RAB38: variants seen among roughly 807,000 people sequenced by gnomAD.
RAB38 encodes the protein RAB38, member RAS oncogene family.
RAB38 carries 15 observed loss-of-function variants against 18.4 expected under a neutral mutation model. The ratio of observed to expected loss-of-function variants is 0.82; its 90% confidence interval spans 0.55 to 1.26. The LOEUF (loss-of-function observed/expected upper bound fraction) is 1.26, where lower values mean the gene tolerates loss of function less well. Ranked by LOEUF, RAB38 falls within the 50% of genes most tolerant of loss-of-function variation. The probability of loss-of-function intolerance (pLI) is 0.00; values close to 1 mark genes in which losing one functional copy is unlikely to be tolerated. For synonymous variants in RAB38, 101 were observed against 104.4 expected, an observed-to-expected ratio of 0.97 and a Z score of 0.20; for missense variants, 294 against 267.4, an observed-to-expected ratio of 1.10 and a Z score of -0.69.
chr11:87,939,880 G>C, the RAB38 span, among the ~76,000 whole-genome samples: 3 of 151,970 alleles, frequency 2.0e-5, no homozygotes, highest in Admixed American at 2.0e-4. Flanking sequence ...CTCAGCCTGA[G>C]TGACATAGCC....
the RAB38 span, among the ~76,000 whole-genome samples, chr11:87,846,833 G>A: frequency 6.6e-6 from 1 of 152,122 alleles, no homozygotes; most frequent in South Asian, 2.1e-4. Context: ...GTAAGACAAA[G>A]TGCATTCTCT....
chr11:88,143,415 T>A (rs1171182818), intron 2 of RAB38, among the ~76,000 whole-genome samples: 1 of 152,196 alleles, frequency 6.6e-6, no homozygotes, highest in Non-Finnish European at 1.5e-5. Context: ...TTTGTAGTTG[T>A]AACATAAAAA....
At chr11:87,841,012 T>G in the RAB38 span, among the ~76,000 whole-genome samples, 1 of 152,208 alleles carries the variant, frequency 6.6e-6, no homozygotes, top group Non-Finnish European at 1.5e-5. Context: ...TCCTGGCCCC[T>G]TAGTCACTCT....
chr11:87,829,576 C>A, the RAB38 span, among the ~76,000 whole-genome samples: 1 of 152,132 alleles, frequency 6.6e-6, no homozygotes, highest in East Asian at 1.9e-4. Context: ...CTCACTATCA[C>A]GAGAACAGCA....
chr11:87,890,505 T>C, the RAB38 span, among the ~76,000 whole-genome samples: 1 of 151,916 alleles, frequency 6.6e-6, no homozygotes, highest in South Asian at 2.1e-4. Flanking sequence ...CTTTCATGTT[T>C]CATGGACTTC....
the RAB38 span, among the ~76,000 whole-genome samples, chr11:87,940,856 T>G: frequency 2.6e-5 from 4 of 151,924 alleles, no homozygotes; most frequent in Non-Finnish European, 5.9e-5. Context: ...TGTCTCAAAC[T>G]CCTGACCTCA....
chr11:87,939,655 C>T, the RAB38 span, among the ~76,000 whole-genome samples: 5 of 151,534 alleles, frequency 3.3e-5, no homozygotes, highest in Non-Finnish European at 4.4e-5. Flanking sequence ...CCCAGGAGTG[C>T]GAGAGCAGCC....
chr11:88,056,821 A>T, the RAB38 span, among the ~76,000 whole-genome samples: 1 of 107,052 alleles, frequency 9.3e-6, no homozygotes, highest in African/African-American at 2.8e-5. Context: ...AAATAAATAA[A>T]TAAATAAATA....
Position 88,155,497 on chromosome 11 carries a change from A to C in RAB38, c.203-5542T>G, listed in dbSNP as rs1179569971. Among the ~76,000 whole-genome samples, 4 of 152,232 alleles carry C rather than the reference A, an allele frequency of 2.6e-5. No homozygotes were observed. The East Asian group carries it at 7.7e-4, about 29-fold the overall frequency. On this transcript the variant is annotated intron_variant, in intron 1 of 2. Transcript: ENST00000243662. ...AGGAAAAGGAAAAAGGAAAGAAAAA[A>C]ATAGCAATAGTATGATAGAGAAATA...
chr11:88,152,091 C>T (rs535908678), intron 1 of RAB38, among the ~76,000 whole-genome samples: 2 of 152,220 alleles, frequency 1.3e-5, no homozygotes, highest in South Asian at 4.2e-4. Context: ...ATACCTGGTG[C>T]AAACAGTGAT....
At chr11:88,063,984 C>T in the RAB38 span, among the ~76,000 whole-genome samples, 621 of 152,270 alleles carry the variant, frequency 4.1e-3, 1 homozygote, top group Admixed American at 6.4e-3. Context: ...AACAGTGTCC[C>T]GTTTGAAATG....
the RAB38 span, among the ~76,000 whole-genome samples, chr11:87,965,114 C>T: frequency 2.0e-5 from 3 of 152,038 alleles, no homozygotes; most frequent in East Asian, 5.8e-4. Flanking sequence ...CAGGTTGTAA[C>T]CAAAAATGTC....
At chr11:88,038,504 A>C in the RAB38 span, among the ~76,000 whole-genome samples, 3 of 152,176 alleles carry the variant, frequency 2.0e-5, no homozygotes, top group Non-Finnish European at 4.4e-5. Context: ...TTCACTTCCA[A>C]CTAGACTGAG....
the RAB38 span, among the ~76,000 whole-genome samples, chr11:87,886,824 G>GTTTTT: frequency 1.4e-5 from 2 of 139,022 alleles, no homozygotes; most frequent in African/African-American, 2.7e-5. Flanking sequence ...TGAAGCACTT[G>GTTTTT]TTTTTTTTTT....
At chr11:87,904,020 T>G in the RAB38 span, among the ~76,000 whole-genome samples, 1 of 151,832 alleles carries the variant, frequency 6.6e-6, no homozygotes, top group African/African-American at 2.4e-5. Flanking sequence ...CTATTTATTT[T>G]ATGGAATTGT....
chr11:87,935,638 T>C, the RAB38 span, among the ~76,000 whole-genome samples: 4 of 152,112 alleles, frequency 2.6e-5, no homozygotes, highest in Non-Finnish European at 5.9e-5. Flanking sequence ...AGTGGTAACC[T>C]CTTGAAAACT....
the RAB38 span, among the ~76,000 whole-genome samples, chr11:87,849,067 G>T: frequency 6.6e-6 from 1 of 152,018 alleles, no homozygotes; most frequent in Admixed American, 6.6e-5. Flanking sequence ...AGTTGAAACA[G>T]TACTATGGAT....
At chr11:87,825,835 A>C in the RAB38 span, among the ~76,000 whole-genome samples, 1 of 152,168 alleles carries the variant, frequency 6.6e-6, no homozygotes, top group Non-Finnish European at 1.5e-5. Context: ...AAGCAGTAAT[A>C]GGGACATCAT....
the RAB38 span, among the ~76,000 whole-genome samples, chr11:88,044,207 A>G: frequency 3.9e-5 from 6 of 152,284 alleles, no homozygotes; most frequent in South Asian, 6.2e-4. Context: ...CCCACGTTTC[A>G]GAGGTGTCTG....
Sources: allele counts gnomAD v4.1 joint callset (sites outside exome capture counted in the v4.1 genomes callset), GRCh38; gene constraint gnomAD v4.1.1; transcripts MANE v1.5; gene names NCBI Gene and HGNC (gene_info 2026-07-23, HGNC 2026-07-21).